GNG4: variants seen among roughly 807,000 people sequenced by gnomAD.
GNG4 encodes G protein subunit gamma 4, also known as guanine nucleotide-binding protein G(I)/G(S)/G(O) subunit gamma-4.
GNG4 carries 4 observed loss-of-function variants against 5.8 expected under a neutral mutation model. The observed-to-expected ratio is 0.69, with a 90% CI of 0.34 to 1.57. GNG4 has a LOEUF of 1.57. Among genes scored for constraint, GNG4 ranks in the 40% most tolerant of loss-of-function variants. The pLI is 0.06. For synonymous variants in GNG4, 29 were observed against 32.9 expected (o/e 0.88, Z 0.41); for missense variants, 96 against 95.1 (o/e 1.01, Z -0.04).
intron 1 of GNG4, among the ~76,000 whole-genome samples, chr1:235,631,638 T>C (rs957013635): frequency 1.3e-5 from 2 of 151,916 alleles, no homozygotes; most frequent in Non-Finnish European, 2.9e-5. Flanking sequence ...TGGTGCTATC[T>C]TGGCTCAGTG....
intron 1 of GNG4, among the ~76,000 whole-genome samples, chr1:235,622,676 T>C (rs1308334503): frequency 6.6e-6 from 1 of 151,412 alleles, no homozygotes; most frequent in African/African-American, 2.4e-5. Context: ...AGGTCAGGAG[T>C]TCGAGACCAG....
At position 235,637,928 on chromosome 1, in the gene GNG4, G is replaced by T. The variant is rs116392188; in HGVS notation, c.-123+11734C>A. On this transcript the variant is annotated intron_variant, in intron 1 of 3. Coordinates refer to ENST00000391854, the MANE Select transcript of GNG4 (RefSeq NM_001098722.2). Reference sequence around the variant, plus strand: ...GACCTCTGCTCTTGTGGCACTCCCAGTCCGGCACAGACTTGAGGAGACCAC... The same window carrying T: ...GACCTCTGCTCTTGTGGCACTCCCATTCCGGCACAGACTTGAGGAGACCAC... Among the ~76,000 whole-genome samples the T allele has an allele frequency of 1.7e-3, 263 of 152,330 alleles. 1 individual carries two copies. The highest frequency in any genetic ancestry group is 3.5e-3 in the Admixed American group (53 of 15,308).
intron 1 of GNG4, among the ~76,000 whole-genome samples, chr1:235,597,632 T>TG: frequency 3.2e-5 from 1 of 30,968 alleles, no homozygotes; most frequent in East Asian, 4.9e-4. Flanking sequence ...GTGTGTGTAT[T>TG]TTTTTTTTTT....
At chr1:235,634,636 C>T (rs1277598334) in intron 1 of GNG4, among the ~76,000 whole-genome samples, 1 of 152,196 alleles carries the variant, frequency 6.6e-6, no homozygotes, top group Non-Finnish European at 1.5e-5. Flanking sequence ...ATTAGGACCC[C>T]ACAGTAAGGC....
upstream of GNG4, chr1:235,650,409 C>G (rs954366563): frequency 9.2e-5 from 14 of 152,464 alleles, no homozygotes; most frequent in Admixed American, 7.8e-4. Flanking sequence ...GCGGGCTCCC[C>G]GAAGCCTCAG....
chr1:235,625,442 C>T (rs971241577), intron 1 of GNG4, among the ~76,000 whole-genome samples: 3 of 152,170 alleles, frequency 2.0e-5, no homozygotes, highest in African/African-American at 7.2e-5. Flanking sequence ...TCAATATCAC[C>T]TAAAGTCCAT....
chr1:235,635,834 A>T (rs944433990), intron 1 of GNG4, among the ~76,000 whole-genome samples: 2 of 152,216 alleles, frequency 1.3e-5, no homozygotes, highest in Non-Finnish European at 2.9e-5. Context: ...TTGCAAATTA[A>T]TCAGCAGGAT....
Position 235,593,373 on chromosome 1 carries a change from C to T in GNG4, c.-11+2027G>A, listed in dbSNP as rs191887472. Among the ~76,000 whole-genome samples, 17 of 152,322 alleles carry T rather than the reference C, an allele frequency of 1.1e-4. 1 individual carries two copies. The highest frequency in any genetic ancestry group is 1.0e-3 in the Admixed American group (16 of 15,294). The stretch of plus-strand genomic sequence containing the variant: ...GCTTCTGACCTGACCTGACTCACGG[C>T]ACAGTACTTAGAATTTCTGGAAGCC... On this transcript the variant is annotated intron_variant, in intron 2 of 3. Transcript: ENST00000391854.
intron 3 of GNG4, among the ~76,000 whole-genome samples, chr1:235,573,808 A>G (rs1183744909): frequency 6.6e-6 from 1 of 151,908 alleles, no homozygotes; most frequent in Admixed American, 6.6e-5. Context: ...AAGACTCACA[A>G]TTGGAAATAA....
intron 1 of GNG4, among the ~76,000 whole-genome samples, chr1:235,618,742 G>T (rs1688649313): frequency 6.6e-6 from 1 of 150,470 alleles, no homozygotes; most frequent in African/African-American, 2.4e-5. Context: ...TGCAACCTCT[G>T]TCTCCTGGGT....
chr1:235,587,057 G>A (rs916445159), intron 2 of GNG4, among the ~76,000 whole-genome samples: 1 of 151,846 alleles, frequency 6.6e-6, no homozygotes, highest in Non-Finnish European at 1.5e-5. Flanking sequence ...CAGGGGTGAA[G>A]CCAAGAGGAC....
intron 1 of GNG4, among the ~76,000 whole-genome samples, chr1:235,632,465 G>A (rs1429965410): frequency 6.6e-6 from 1 of 152,198 alleles, no homozygotes; most frequent in Non-Finnish European, 1.5e-5. Context: ...AGAAAATTCT[G>A]CCTTACAAGT....
intron 3 of GNG4, among the ~76,000 whole-genome samples, chr1:235,575,100 C>T (rs1687444743): frequency 2.0e-5 from 3 of 152,156 alleles, no homozygotes; most frequent in African/African-American, 7.2e-5. Flanking sequence ...GGTGGAGTTA[C>T]AGGCATGAGC....
At chr1:235,565,140 C>T (rs187942986) in intron 3 of GNG4, among the ~76,000 whole-genome samples, 93 of 152,288 alleles carry the variant, frequency 6.1e-4, no homozygotes, top group African/African-American at 2.1e-3. Context: ...GGAGACCACT[C>T]GGGCCATGGT....
At chr1:235,647,473 G>T (rs1477043505) in intron 1 of GNG4, among the ~76,000 whole-genome samples, 1 of 152,146 alleles carries the variant, frequency 6.6e-6, no homozygotes, top group Non-Finnish European at 1.5e-5. Context: ...ATAAATAAAA[G>T]AAGAAATTGT....
chr1:235,605,417 C>T (rs7553136), intron 1 of GNG4, among the ~76,000 whole-genome samples: 2,604 of 152,144 alleles, frequency 0.017, 63 homozygotes, highest in African/African-American at 0.056. Context: ...TCAGGTGGTC[C>T]GCCCGCCTTG....
chr1:235,576,809 AG>A (rs1687494630), intron 3 of GNG4, among the ~76,000 whole-genome samples: 1 of 152,174 alleles, frequency 6.6e-6, no homozygotes, highest in Middle Eastern at 3.2e-3. Context: ...TGTGGGTTTA[AG>A]ATCTTGCTGT....
At chr1:235,591,424 A>ATGGTGC (rs1687960397) in intron 2 of GNG4, among the ~76,000 whole-genome samples, 6 of 152,224 alleles carry the variant, frequency 3.9e-5, no homozygotes, top group Admixed American at 3.9e-4. Context: ...GCTTTTGCCA[A>ATGGTGC]TGGTGCTGAA....
intron 1 of GNG4, among the ~76,000 whole-genome samples, chr1:235,645,748 G>A (rs1476065219): frequency 7.3e-6 from 1 of 137,156 alleles, no homozygotes; most frequent in Non-Finnish European, 1.5e-5. Context: ...AGTGAGCCAA[G>A]ATCGTGCCAT....
Sources: gnomAD v4.1 joint callset for allele counts (sites outside exome capture counted in the v4.1 genomes callset) on GRCh38, gnomAD v4.1.1 for gene constraint, MANE v1.5 for transcripts, NCBI Gene and HGNC (gene_info 2026-07-23, HGNC 2026-07-21) for gene names.